The following KAZN variants were observed in gnomAD, a reference collection of about 807,000 sequenced individuals.
KAZN encodes the protein kazrin, periplakin interacting protein, also known as kazrin.
KAZN carries 40 observed loss-of-function variants against 87.4 expected under a neutral mutation model. That is an observed-to-expected ratio of 0.46 (90% confidence interval 0.36 to 0.60). The LOEUF is 0.60. Ranked by LOEUF, KAZN falls within the 20% of genes least tolerant of loss-of-function variation. The pLI, the probability that KAZN is intolerant of heterozygous loss-of-function variation, is 0.00. For synonymous variants in KAZN, 466 were observed against 458.3 expected, an observed-to-expected ratio of 1.02 and a Z score of -0.22; for missense variants, 898 against 1,073.9, an observed-to-expected ratio of 0.84 and a Z score of 2.29.
chr1:14,234,518 C>T (rs771821863), intron 2 of KAZN, among the ~76,000 whole-genome samples: 45 of 152,084 alleles, frequency 3.0e-4, no homozygotes, highest in Non-Finnish European at 5.3e-4. Flanking sequence ...CAAACCTGCA[C>T]GTTCTGCACA....
intron 11 of KAZN, among the ~76,000 whole-genome samples, 180 bp from the exon 12 acceptor site, chr1:15,103,179 A>G (rs1641143462): frequency 6.6e-6 from 1 of 152,162 alleles, no homozygotes; most frequent in Admixed American, 6.5e-5. Context: ...AGGCAGGAGA[A>G]TTGCTTGAAC....
chr1:14,587,391 G>A (rs1675918360), intron 2 of KAZN, among the ~76,000 whole-genome samples: 1 of 149,872 alleles, frequency 6.7e-6, no homozygotes, highest in South Asian at 2.1e-4. Context: ...AGCCGAGATT[G>A]TGCCACTGCA....
chr1:14,098,988 C>T (rs917712358), intron 1 of KAZN, among the ~76,000 whole-genome samples: 1 of 152,090 alleles, frequency 6.6e-6, no homozygotes, highest in African/African-American at 2.4e-5. Context: ...TCTCTTAGGT[C>T]AGGGTTTAGG....
intron 2 of KAZN, among the ~76,000 whole-genome samples, chr1:14,188,952 A>T (rs887947060): frequency 6.6e-6 from 1 of 152,144 alleles, no homozygotes; most frequent in African/African-American, 2.4e-5. Flanking sequence ...AAAAAATTGC[A>T]CTTAGAACAG....
chr1:14,417,537 T>A (rs1287859362), intron 2 of KAZN, among the ~76,000 whole-genome samples: 1 of 152,138 alleles, frequency 6.6e-6, no homozygotes, highest in African/African-American at 2.4e-5. Context: ...CAAATGACAA[T>A]CACTGAAGTG....
At chr1:14,270,007 G>T (rs1651792089) in intron 2 of KAZN, among the ~76,000 whole-genome samples, 1 of 152,090 alleles carries the variant, frequency 6.6e-6, no homozygotes, top group African/African-American at 2.4e-5. Context: ...AGGATGCATA[G>T]TGCCTGCACC....
chr1:15,060,360 C>CG, intron 6 of KAZN, 58 bp downstream of exon 6: 3 of 1,446,472 alleles, frequency 2.1e-6, no homozygotes, highest in Admixed American at 1.7e-5. Context: ...ACTGCAGGGG[C>CG]GGGGGTGGCG....
At chr1:14,378,860 C>T (rs920580271) in intron 2 of KAZN, among the ~76,000 whole-genome samples, 2 of 152,024 alleles carry the variant, frequency 1.3e-5, no homozygotes, top group Admixed American at 1.3e-4. Flanking sequence ...CTGAACTGGT[C>T]TCAGAACCAA....
chr1:14,712,361 C>T (rs1642533570), intron 1 of KAZN, among the ~76,000 whole-genome samples: 1 of 152,140 alleles, frequency 6.6e-6, no homozygotes, highest in African/African-American at 2.4e-5. Context: ...AGCTGATCCT[C>T]AGGTTCCAAC....
chr1:14,942,699 T>G (rs565707390), intron 1 of KAZN, among the ~76,000 whole-genome samples: 1 of 152,312 alleles, frequency 6.6e-6, no homozygotes, highest in African/African-American at 2.4e-5. Context: ...CTTTTGCCCC[T>G]GGGCTTGTGC....
At chr1:14,482,395 G>A (rs1014773935) in intron 2 of KAZN, among the ~76,000 whole-genome samples, 4 of 152,168 alleles carry the variant, frequency 2.6e-5, no homozygotes, top group South Asian at 2.1e-4. Flanking sequence ...TAGAGCTCAC[G>A]GCTAAGAGTG....
Position 15,039,956 on chromosome 1 carries a change from T to C in KAZN, c.556-4033T>C, listed in dbSNP as rs914490766. Among the ~76,000 whole-genome samples the C allele has an allele frequency of 2.1e-4, 32 of 152,250 alleles. 1 individual carries two copies. The highest frequency in any genetic ancestry group is 3.4e-3 in the Middle Eastern group (1 of 294). The stretch of plus-strand genomic sequence containing the variant: ...ATTCAGAAAAATGAACTTTGGAAAA[T>C]ACTGATTTTAAAAAAATTAATACCT... On this transcript the variant is annotated intron_variant, in intron 3 of 14. Coordinates refer to ENST00000376030, the MANE Select transcript of KAZN (RefSeq NM_201628.3).
At chr1:14,800,699 G>A (rs1645982813) in intron 1 of KAZN, among the ~76,000 whole-genome samples, 1 of 152,118 alleles carries the variant, frequency 6.6e-6, no homozygotes, top group Admixed American at 6.5e-5. Flanking sequence ...GTGAGGCCCT[G>A]TCTCAAAAAA....
chr1:14,130,613 G>A (rs1051557721), intron 1 of KAZN, among the ~76,000 whole-genome samples: 2 of 131,376 alleles, frequency 1.5e-5, no homozygotes, highest in Non-Finnish European at 1.6e-5. Flanking sequence ...TAATAATTAG[G>A]CTTGTCCTGA....
At chr1:13,934,576 T>A (rs1640649935) in intron 1 of KAZN, among the ~76,000 whole-genome samples, 2 of 152,204 alleles carry the variant, frequency 1.3e-5, no homozygotes, top group African/African-American at 4.8e-5. Context: ...CAAATCCTAC[T>A]TTCCCCTCAT....
chr1:14,527,851 A>G (rs1671973787), intron 2 of KAZN, among the ~76,000 whole-genome samples: 1 of 152,090 alleles, frequency 6.6e-6, no homozygotes, highest in Non-Finnish European at 1.5e-5. Flanking sequence ...CCATGACCCA[A>G]ATACCTTCTA....
At chr1:14,518,199 T>TG (rs1452317158) in intron 2 of KAZN, among the ~76,000 whole-genome samples, 9 of 148,438 alleles carry the variant, frequency 6.1e-5, no homozygotes, top group African/African-American at 2.0e-4. Flanking sequence ...TTTTTTTTTT[T>TG]GGGCAGAGTC....
intron 1 of KAZN, among the ~76,000 whole-genome samples, chr1:14,894,144 GCC>G (rs1170615167): frequency 6.6e-6 from 1 of 151,782 alleles, no homozygotes; most frequent in Non-Finnish European, 1.5e-5. Context: ...CTGCCATCAC[GCC>G]CATCTCCCCT....
chr1:14,874,341 A>G (rs1314801185), intron 1 of KAZN, among the ~76,000 whole-genome samples: 2 of 152,208 alleles, frequency 1.3e-5, no homozygotes, highest in African/African-American at 4.8e-5. Context: ...GAGAGTGTTC[A>G]ACTGTTAGAT....
Sources: allele counts gnomAD v4.1 joint callset (sites outside exome capture counted in the v4.1 genomes callset), GRCh38; gene constraint gnomAD v4.1.1; transcripts MANE v1.5; gene names NCBI Gene and HGNC (gene_info 2026-07-23, HGNC 2026-07-21).